KLHDC10: variants seen among roughly 807,000 people sequenced by gnomAD.
The protein encoded by KLHDC10 is kelch domain-containing protein 10.
KLHDC10 carries 24 observed loss-of-function variants against 56.1 expected under a neutral mutation model. That is an observed-to-expected ratio of 0.43 (90% CI 0.31 to 0.60). The LOEUF (loss-of-function observed/expected upper bound fraction) is 0.60. KLHDC10 is among the 20% of genes least tolerant of loss of function. The pLI, the probability that KLHDC10 is intolerant of heterozygous loss-of-function variation, is 0.11. For synonymous variants in KLHDC10, 188 were observed against 207.1 expected, an observed-to-expected ratio of 0.91 and a Z score of 0.79; for missense variants, 349 against 567.0, an observed-to-expected ratio of 0.62 and a Z score of 3.91.
Position 130,131,995 on chromosome 7 carries a change from G to A in KLHDC10, c.*1249G>A, listed in dbSNP as rs1313382205. 6.6e-6 allele frequency: 1 copy of A among 152,130 alleles called. No homozygotes were observed. 9.4% of individuals were successfully genotyped at this position (152,130 alleles called of 1,614,324 possible). On this transcript the variant is annotated 3_prime_UTR_variant, in exon 10 of 10. Coordinates refer to ENST00000335420, the MANE Select transcript of KLHDC10 (RefSeq NM_014997.4). ...CCAAGTATCATTTAAAAACTAGCATGAGGAAGGAATGAAACTGAGTAGCAT... is the reference window on the plus strand; with the variant it reads ...CCAAGTATCATTTAAAAACTAGCATAAGGAAGGAATGAAACTGAGTAGCAT...
Position 130,100,122 on chromosome 7 carries a change from G to C in KLHDC10, c.253+3115G>C, listed in dbSNP as rs377658104. 1.2e-4 allele frequency among the ~76,000 whole-genome samples: 17 copies of C among 147,092 alleles called. No individual in the cohort carries two copies. The East Asian group carries it at 3.1e-3, about 27-fold the overall frequency. On this transcript the variant is annotated intron_variant, in intron 2 of 9. Coordinates refer to ENST00000335420, the MANE Select transcript of KLHDC10 (RefSeq NM_014997.4). ...CCCTGTCTCATTAAAAAAAAAAAAAGTAGAGAATTGATTTGACATATAAGG... is the reference window on the plus strand; with the variant it reads ...CCCTGTCTCATTAAAAAAAAAAAAACTAGAGAATTGATTTGACATATAAGG...
In KLHDC10 at chr7:130,120,825, C is replaced by T. The variant is rs915162598; in HGVS notation, c.552C>T (p.Val184=). Residue 184 remains valine, a synonymous_variant, in exon 4 of 10, where the codon GTC becomes GTT. Transcript: ENST00000335420. The surrounding 1 kb of genome is among the most constrained non-coding windows in gnomAD (Gnocchi z 5.1). The part of the protein sequence containing the change: ...IPFGESNGND[V]HVCNVKYKRW... ...TTGGAGAGAGCAACGGCAATGACGTCCATGTGTGTAATGTGAAGTATAAGA... is the reference window on the plus strand; with the variant it reads ...TTGGAGAGAGCAACGGCAATGACGTTCATGTGTGTAATGTGAAGTATAAGA... 4 of 1,613,992 alleles carry T rather than the reference C, an allele frequency of 2.5e-6. No homozygotes were observed. Among genetic ancestry groups the T allele is most frequent in the Non-Finnish European group, 3.4e-6 (4 of 1,180,012 alleles).
chr7:130,073,576 G>A (rs573738140), intron 1 of KLHDC10, among the ~76,000 whole-genome samples: 31 of 152,230 alleles, frequency 2.0e-4, no homozygotes, highest in East Asian at 5.8e-4. Flanking sequence ...GATTACAGGC[G>A]TGAGTCACAG....
At chr7:130,117,486 G>T in intron 3 of KLHDC10, 1 of 165,062 alleles carries the variant, frequency 6.1e-6, no homozygotes, top group Non-Finnish European at 1.3e-5. Context: ...AAGTTTAAGT[G>T]ATATTCTAAA....
At chr7:130,124,623 G>A (rs1405508771) in intron 6 of KLHDC10, 88 bp downstream of exon 6, 1 of 718,142 alleles carries the variant, frequency 1.4e-6, no homozygotes, top group Non-Finnish European at 2.5e-6. Flanking sequence ...TGTTACTTTG[G>A]ATATTTTAAT....
At chr7:130,102,827 A>AAAAAC (rs898129300) in intron 2 of KLHDC10, among the ~76,000 whole-genome samples, 30 of 152,292 alleles carry the variant, frequency 2.0e-4, no homozygotes, top group Admixed American at 1.4e-3. Context: ...CACTGTCTCA[A>AAAAAC]AAAACAAAAC....
rs1232631508 is a variant in KLHDC10 at position 130,071,333 on chromosome 7, G to A, written c.166+524G>A. Among the ~76,000 whole-genome samples the A allele has an allele frequency of 9.9e-5, 15 of 152,178 alleles. No homozygotes were observed. In the East Asian group the frequency reaches 2.5e-3, roughly 25 times the overall value. ...AGTGTATGGGAAAGAGAACCTAGAG[G>A]ATTAGGGAAAACTAGTTGGATTATT... On this transcript the variant is annotated intron_variant, in intron 1 of 9. Coordinates refer to ENST00000335420, the MANE Select transcript of KLHDC10 (RefSeq NM_014997.4).
chr7:130,117,993 G>A (rs1365924728), intron 3 of KLHDC10, among the ~76,000 whole-genome samples: 1 of 151,448 alleles, frequency 6.6e-6, no homozygotes, highest in African/African-American at 2.4e-5. Flanking sequence ...GTGAAACCCT[G>A]TCTCTACAAA....
At chr7:130,112,278 G>T (rs765564108) in intron 2 of KLHDC10, among the ~76,000 whole-genome samples, 1 of 152,134 alleles carries the variant, frequency 6.6e-6, no homozygotes, top group African/African-American at 2.4e-5. Flanking sequence ...CCTGGTTACC[G>T]TAAGTTCCTG....
At chr7:130,129,871 A>T (rs1796372617) in intron 9 of KLHDC10, among the ~76,000 whole-genome samples, 1 of 152,076 alleles carries the variant, frequency 6.6e-6, no homozygotes, top group African/African-American at 2.4e-5. Context: ...CCCCCTTGAT[A>T]CCATATTATT....
chr7:130,118,833 A>G (rs532767645), intron 3 of KLHDC10, among the ~76,000 whole-genome samples: 4 of 152,184 alleles, frequency 2.6e-5, no homozygotes, highest in Non-Finnish European at 5.9e-5. Flanking sequence ...GGTGCAGTCA[A>G]AACTCTCACA....
At position 130,130,756 on chromosome 7, in the gene KLHDC10, G is replaced by A. The variant is rs755205343; in HGVS notation, c.*10G>A. ...CGAACGCTTGAAATGAGGATTTCTGGACTGTTCATTGATACTGGAAATGTT... is the reference window on the plus strand; with the variant it reads ...CGAACGCTTGAAATGAGGATTTCTGAACTGTTCATTGATACTGGAAATGTT... On this transcript the variant is annotated 3_prime_UTR_variant, in exon 10 of 10. Transcript: ENST00000335420. The surrounding 1 kb of genome is among the most constrained non-coding windows in gnomAD (Gnocchi z 4.2). The A allele has an allele frequency of 6.2e-7, 1 of 1,609,910 alleles. No individual in the cohort carries two copies. Among genetic ancestry groups the A allele is most frequent in the African/African-American group, 1.3e-5 (1 of 74,802 alleles).
intron 1 of KLHDC10, among the ~76,000 whole-genome samples, chr7:130,093,427 T>G (rs1795806875): frequency 6.6e-6 from 1 of 152,080 alleles, no homozygotes; most frequent in African/African-American, 2.4e-5. Context: ...GGTTTCACCA[T>G]GTTGGCCAGG....
chr7:130,119,843 TAAAAAAAA>T (rs72549928), intron 3 of KLHDC10, among the ~76,000 whole-genome samples: 1 of 76,970 alleles, frequency 1.3e-5, no homozygotes, highest in African/African-American at 5.0e-5. Context: ...GACTCCGTCT[TAAAAAAAA>T]AAAAAAAAAA....
At chr7:130,113,764 C>T (rs1796132597) in intron 2 of KLHDC10, among the ~76,000 whole-genome samples, 1 of 152,148 alleles carries the variant, frequency 6.6e-6, no homozygotes, top group Non-Finnish European at 1.5e-5. Flanking sequence ...CATTACTTTC[C>T]CTGCTGTACA....
At chr7:130,079,084 G>T (rs1023648301) in intron 1 of KLHDC10, among the ~76,000 whole-genome samples, 3 of 151,616 alleles carry the variant, frequency 2.0e-5, no homozygotes, top group Non-Finnish European at 4.4e-5. Context: ...TTGAGGCAGA[G>T]TCTCACTCTG....
rs565552607 is a variant in KLHDC10, at chr7:130,117,887, G to A, written c.475+1221G>A. On this transcript the variant is annotated intron_variant, in intron 3 of 9. Transcript: ENST00000335420. ...AAAAAAAAAAAAAGAAAAAGAGGCC[G>A]GGCATGGTGGCTCACACCTGTAATC... is the stretch of plus-strand genomic sequence containing the variant. Among the ~76,000 whole-genome samples, 7 of 149,440 alleles carry A rather than the reference G, an allele frequency of 4.7e-5. 1 individual carries two copies. The East Asian group carries it at 1.2e-3, about 25-fold the overall frequency.
intron 2 of KLHDC10, among the ~76,000 whole-genome samples, chr7:130,103,371 G>C (rs1336648766): frequency 2.0e-5 from 3 of 149,534 alleles, no homozygotes; most frequent in Non-Finnish European, 2.9e-5. Flanking sequence ...GTTGCAGTGA[G>C]CTGAGATCAT....
At chr7:130,101,773 A>G (rs1194026692) in intron 2 of KLHDC10, among the ~76,000 whole-genome samples, 1 of 152,070 alleles carries the variant, frequency 6.6e-6, no homozygotes, top group Non-Finnish European at 1.5e-5. Context: ...GATCGAGACC[A>G]TTCTAGCTAA....
Sources: gnomAD v4.1 joint callset for allele counts (sites outside exome capture counted in the v4.1 genomes callset) on GRCh38, gnomAD v4.1.1 for gene constraint, Gnocchi (gnomAD v3.1) non-coding constraint, MANE v1.5 for transcripts, NCBI Gene and HGNC (gene_info 2026-07-23, HGNC 2026-07-21) for gene names.